HSF1: variants seen among roughly 807,000 people sequenced by gnomAD.
HSF1 encodes the protein heat shock factor protein 1.
HSF1 carries 32 observed loss-of-function variants against 51.7 expected under a neutral mutation model. That is an observed-to-expected ratio of 0.62 (90% CI 0.47 to 0.83). HSF1 has a LOEUF of 0.83. Ranked by LOEUF, HSF1 falls within the 40% of genes least tolerant of loss-of-function variation. The pLI, the probability that HSF1 is intolerant of heterozygous loss-of-function variation, is 0.00. For synonymous variants in HSF1, 396 were observed against 309.7 expected (o/e 1.28, Z -2.92); for missense variants, 727 against 717.0 (o/e 1.01, Z -0.16).
chr8:144,304,478 C>T (rs1247399246), intron 1 of HSF1, among the ~76,000 whole-genome samples: 2 of 152,156 alleles, frequency 1.3e-5, no homozygotes, highest in Non-Finnish European at 2.9e-5. Context: ...TGGGGTCTCG[C>T]TATGTTGCCC....
rs201285119 is a variant in HSF1, at chr8:144,297,175, GAAGC to G, written c.117+5307_117+5310del. ...TGGGGCTCACAGTGCCTTCCCAGAG[GAAGC>G]AAGCAGCTCCCATCGGGTATATTGA... On this transcript the variant is annotated intron_variant, in intron 1 of 12. Transcript: ENST00000528838. This position sits in a 1 kb window ranked among gnomAD's most constrained non-coding sequence, Gnocchi z 4.6. Among the ~76,000 whole-genome samples, 1,348 of 152,304 alleles carry G rather than the reference GAAGC, an allele frequency of 8.9e-3. 15 individuals carry two copies. The highest frequency in any genetic ancestry group is 0.03 in the African/African-American group (1,251 of 41,548).
chr8:144,295,559 A>G (rs1554841143), intron 1 of HSF1, among the ~76,000 whole-genome samples: 2 of 152,162 alleles, frequency 1.3e-5, no homozygotes, highest in African/African-American at 4.8e-5. Context: ...TTAAGGAAGC[A>G]CTTTTTGTTT....
rs139643077 is a variant in HSF1, at chr8:144,297,604, T to C, written c.117+5730T>C. 1.5e-4 allele frequency among the ~76,000 whole-genome samples: 23 copies of C among 152,288 alleles called. No individual in the cohort carries two copies. In the East Asian group the frequency reaches 3.1e-3, roughly 20 times the overall value. ...TCGCGCTTCCTGCCTGCCTCACTGC[T>C]TCCATGCCCTGACTCCGGTGGTCCC... On this transcript the variant is annotated intron_variant, in intron 1 of 12. Coordinates refer to ENST00000528838, the MANE Select transcript of HSF1 (RefSeq NM_005526.4). This position sits in a 1 kb window ranked among gnomAD's most constrained non-coding sequence, Gnocchi z 4.6.
intron 1 of HSF1, among the ~76,000 whole-genome samples, chr8:144,294,109 G>C (rs1262583838): frequency 6.6e-6 from 1 of 152,114 alleles, no homozygotes. Context: ...TCAGTATGAA[G>C]TGGCAATGGT....
At chr8:144,307,152 C>T (rs1816278280) in intron 1 of HSF1, among the ~76,000 whole-genome samples, 1 of 152,366 alleles carries the variant, frequency 6.6e-6, no homozygotes, top group African/African-American at 2.4e-5. Flanking sequence ...CCTCCTTCTC[C>T]CCAGCTGCCA....
At position 144,313,516 on chromosome 8, in the gene HSF1, A is replaced by G. The variant is rs1554845474; in HGVS notation, c.1148A>G (p.Glu383Gly). The change falls in exon 10 of 13, where the codon GAG becomes GGG. Residue 383 changes from glutamate to glycine, a missense_variant. Glu to Gly is a moderately conservative substitution (Grantham distance 98). This residue lies in a region of HSF1 where 470 missense variants were observed against 398.8 expected (regional missense o/e 1.18). Coordinates refer to ENST00000528838, the MANE Select transcript of HSF1 (RefSeq NM_005526.4). Reference sequence around the variant, plus strand: ...ACCGCCTTATCCCGGGCCAGGAATGAGCTCAGTGACCACTTGGATGCTATG... The same window carrying G: ...ACCGCCTTATCCCGGGCCAGGAATGGGCTCAGTGACCACTTGGATGCTATG... ...CLSVACLDKNELSDHLDAMDS... is the reference protein window; with the variant it reads ...CLSVACLDKNGLSDHLDAMDS... 10 of 1,608,112 alleles carry G rather than the reference A, an allele frequency of 6.2e-6. No individual in the cohort carries two copies. The highest frequency in any genetic ancestry group is 8.5e-6 in the Non-Finnish European group (10 of 1,175,676).
intron 10 of HSF1, 73 bp downstream of exon 10, chr8:144,313,689 T>TCCCCGCCCCGCCTCCCCG (rs1436832083): frequency 6.9e-5 from 2 of 28,974 alleles, no homozygotes; most frequent in African/African-American, 1.0e-3. Flanking sequence ...CCGCCCCGCC[T>TCCCCGCCCCGCCTCCCCG]CCCCGCCTCC....
chr8:144,306,023 C>G (rs989342204), intron 1 of HSF1, among the ~76,000 whole-genome samples: 1 of 151,968 alleles, frequency 6.6e-6, no homozygotes, highest in Non-Finnish European at 1.5e-5. Context: ...TGAGCCACCG[C>G]GCCCGGCCCC....
At chr8:144,312,537 C>A in intron 9 of HSF1, 1 of 1,199,822 alleles carries the variant, frequency 8.3e-7, no homozygotes, top group Non-Finnish European at 1.2e-6. Flanking sequence ...GTCGTGCTGC[C>A]CAGACACATG....
At chr8:144,312,549 C>A in intron 9 of HSF1, 1 of 1,244,034 alleles carries the variant, frequency 8.0e-7, no homozygotes, top group South Asian at 1.3e-5. Context: ...AGACACATGG[C>A]AGGAGATGGT....
chr8:144,309,459 C>T lies in HSF1; in HGVS notation c.231C>T (p.Gly77=). The T allele has an allele frequency of 1.2e-6, 2 of 1,613,934 alleles. No homozygotes were observed. The highest frequency in any genetic ancestry group is 4.5e-5 in the East Asian group (2 of 44,884). The change falls in exon 3 of 13, where the codon GGC becomes GGT. Residue 77 remains glycine (G), a synonymous_variant. Transcript: ENST00000528838. ...ASFVRQLNMY[G]FRKVVHIEQG... Reference sequence around the variant, plus strand: ...CCCCTTCCCTGTTATGTGCAGATGGCTTCCGGAAAGTGGTCCACATCGAGC... The same window carrying T: ...CCCCTTCCCTGTTATGTGCAGATGGTTTCCGGAAAGTGGTCCACATCGAGC...
rs553387928 is a variant in HSF1, at chr8:144,314,679, G to A, written c.*349G>A. 3 of 294,448 alleles carry A rather than the reference G, an allele frequency of 1.0e-5. No homozygotes were observed. Among genetic ancestry groups the A allele is most frequent in the Non-Finnish European group, 2.0e-5 (3 of 153,794 alleles). 18.2% of individuals were successfully genotyped at this position (294,448 alleles called of 1,614,324 possible). On this transcript the variant is annotated 3_prime_UTR_variant, in exon 13 of 13. Transcript: ENST00000528838. ...AGATATATACACACAGTGGATGGAC[G>A]GACAAGACAGGCAGAGATCTATAAA... is the stretch of plus-strand genomic sequence containing the variant.
intron 1 of HSF1, among the ~76,000 whole-genome samples, chr8:144,293,741 C>G (rs1305889990): frequency 6.6e-6 from 1 of 151,568 alleles, no homozygotes; most frequent in Non-Finnish European, 1.5e-5. Context: ...CCCAGCCCTT[C>G]TTCTTTTTCT....
Position 144,291,743 on chromosome 8 carries a change from C to A in HSF1, c.-15C>A. 6.9e-7 allele frequency: 1 copy of A among 1,445,782 alleles called. No individual in the cohort carries two copies. Among genetic ancestry groups the A allele is most frequent in the Admixed American group, 2.2e-5 (1 of 46,088 alleles). 89.6% of individuals were successfully genotyped at this position (1,445,782 alleles called of 1,614,324 possible). A position where few individuals can be genotyped will look rare whatever the true frequency, so the allele number is the denominator to read the frequency against. On this transcript the variant is annotated 5_prime_UTR_variant, in exon 1 of 13. Coordinates refer to ENST00000528838, the MANE Select transcript of HSF1 (RefSeq NM_005526.4). The surrounding 1 kb of genome is among the most constrained non-coding windows in gnomAD (Gnocchi z 4.1). ...TTTGCGGCCGCTCCCTCCGCCTATT[C>A]CCTCCTTGCTCGAGATGGATCTGCC...
intron 9 of HSF1, 37 bp downstream of exon 9, chr8:144,312,281 C>G: frequency 2.0e-6 from 3 of 1,463,894 alleles, no homozygotes; most frequent in Non-Finnish European, 2.8e-6. Context: ...CCCACAGCGC[C>G]TGGACGCACA....
intron 1 of HSF1, 122 bp from the exon 2 acceptor site, chr8:144,308,784 C>T (rs532703664): frequency 1.2e-6 from 1 of 801,188 alleles, no homozygotes; most frequent in African/African-American, 1.7e-5. Context: ...TCCCATGGCC[C>T]CAGCCCCATC....
chr8:144,298,607 AAAAAG>A (rs1181340496), intron 1 of HSF1, among the ~76,000 whole-genome samples: 3 of 151,300 alleles, frequency 2.0e-5, no homozygotes, highest in African/African-American at 7.3e-5. Context: ...TCAAAAAAAA[AAAAAG>A]AAAGAAAAGA....
chr8:144,302,515 AGAT>A (rs1815957501), intron 1 of HSF1, among the ~76,000 whole-genome samples: 1 of 150,136 alleles, frequency 6.7e-6, no homozygotes, highest in Non-Finnish European at 1.5e-5. Flanking sequence ...TAAAAAAAAA[AGAT>A]AATAATAATA....
At chr8:144,308,745 G>T (rs1378000487) in intron 1 of HSF1, among the ~76,000 whole-genome samples, 161 bp from the exon 2 acceptor site, 1 of 152,198 alleles carries the variant, frequency 6.6e-6, no homozygotes, top group Non-Finnish European at 1.5e-5. Flanking sequence ...TCCCAGGAAC[G>T]AACTCGCCTC....
Sources: gnomAD v4.1 joint callset for allele counts (sites outside exome capture counted in the v4.1 genomes callset) on GRCh38, gnomAD v4.1.1 for gene constraint, gnomAD v4.1.1 regional missense constraint, Gnocchi (gnomAD v3.1) non-coding constraint, MANE v1.5 for transcripts, NCBI Gene and HGNC (gene_info 2026-07-23, HGNC 2026-07-21) for gene names.